The following ZFAT variants were observed in gnomAD, a reference collection of about 807,000 sequenced individuals.
ZFAT encodes the protein zinc finger and AT-hook domain containing, also known as zinc finger protein ZFAT.
A neutral mutation model predicts 117.7 loss-of-function variants in ZFAT; 64 were observed. That is an observed-to-expected ratio of 0.54 (90% confidence interval 0.44 to 0.67). ZFAT has a LOEUF of 0.67. Ranked by LOEUF, ZFAT falls within the 30% of genes least tolerant of loss-of-function variation. The pLI is 0.00. For synonymous variants in ZFAT, 679 were observed against 615.0 expected (o/e 1.10, Z -1.54); for missense variants, 1,433 against 1,584.5 (o/e 0.90, Z 1.62).
At chr8:134,479,746 C>T (rs143976540) in intron 15 of ZFAT, among the ~76,000 whole-genome samples, 15 of 152,088 alleles carry the variant, frequency 9.9e-5, no homozygotes, top group South Asian at 2.1e-4. Flanking sequence ...CTGCACTGAC[C>T]GGGCTTTGAG....
chr8:134,494,590 G>C lies in ZFAT; in HGVS notation c.3492+15029C>G, dbSNP rs761258541. Among the ~76,000 whole-genome samples the C allele has an allele frequency of 1.2e-3, 187 of 152,170 alleles. 2 individuals are homozygous for C. Among genetic ancestry groups the C allele is most frequent in the Non-Finnish European group, 2.9e-4 (20 of 68,032 alleles). ...CTGAAGCCTCCACGGAACCCCACCA[G>C]GGCCTTGCTGGTAACCGAGCAGTGA... On this transcript the variant is annotated intron_variant, in intron 15 of 15. Coordinates refer to ENST00000377838, the MANE Select transcript of ZFAT (RefSeq NM_020863.4).
At chr8:134,573,265 G>A (rs1002166461) in intron 10 of ZFAT, among the ~76,000 whole-genome samples, 21 of 148,314 alleles carry the variant, frequency 1.4e-4, no homozygotes, top group Non-Finnish European at 2.4e-4. Context: ...TGTGTGTGCC[G>A]TGTGTGTGTG....
chr8:134,815,887 C>T, the ZFAT span, among the ~76,000 whole-genome samples: 1 of 152,192 alleles, frequency 6.6e-6, no homozygotes, highest in Non-Finnish European at 1.5e-5. Flanking sequence ...CTTTACACTT[C>T]TTACTACAAT....
the ZFAT span, among the ~76,000 whole-genome samples, chr8:134,790,118 G>A: frequency 1.3e-5 from 2 of 151,926 alleles, no homozygotes; most frequent in Non-Finnish European, 2.9e-5. Flanking sequence ...TTTTAAATGG[G>A]CCTCCGATGG....
intron 7 of ZFAT, among the ~76,000 whole-genome samples, chr8:134,594,515 A>C (rs1437771969): frequency 6.6e-6 from 1 of 152,216 alleles, no homozygotes; most frequent in Non-Finnish European, 1.5e-5. Flanking sequence ...CTCAATGACA[A>C]AGGTTAAGTA....
intron 3 of ZFAT, among the ~76,000 whole-genome samples, chr8:134,628,425 C>T (rs755431389): frequency 1.4e-4 from 21 of 152,040 alleles, no homozygotes; most frequent in Non-Finnish European, 2.5e-4. Flanking sequence ...GTTCTTAAGG[C>T]GCTTAGGCTG....
the ZFAT span, among the ~76,000 whole-genome samples, chr8:134,809,502 T>C: frequency 6.6e-6 from 1 of 152,172 alleles, no homozygotes; most frequent in Non-Finnish European, 1.5e-5. Context: ...GACAAGAGAT[T>C]TTGAGTTTTA....
rs968690376 is a variant in ZFAT, at chr8:134,704,856, T to G, written c.19+7989A>C. Among the ~76,000 whole-genome samples the G allele has an allele frequency of 6.6e-5, 10 of 151,678 alleles. No individual in the cohort carries two copies. The South Asian group carries it at 2.1e-3, about 32-fold the overall frequency. On this transcript the variant is annotated intron_variant, in intron 1 of 15. Coordinates refer to ENST00000377838, the MANE Select transcript of ZFAT (RefSeq NM_020863.4). ...ATACCATACACAAACTTATTAGAGA[T>G]AGACAGTAGACCTAACAAAAGCAAG...
chr8:134,722,110 A>G, the ZFAT span, among the ~76,000 whole-genome samples: 1 of 152,170 alleles, frequency 6.6e-6, no homozygotes, highest in African/African-American at 2.4e-5. Context: ...GGAGGAAGTG[A>G]TGTCTAACAA....
chr8:134,765,796 A>T, the ZFAT span: 10 of 152,206 alleles, frequency 6.6e-5, no homozygotes, highest in East Asian at 1.9e-3. Flanking sequence ...CTGCTTACTG[A>T]TTGAGCTTCA....
upstream of ZFAT, chr8:134,713,177 CT>C (rs1814097175): frequency 3.6e-6 from 1 of 275,902 alleles, no homozygotes; most frequent in African/African-American, 2.2e-5. Context: ...TTTTATCCCA[CT>C]TCACGGATTC....
At chr8:134,739,733 A>G in the ZFAT span, among the ~76,000 whole-genome samples, 1 of 152,250 alleles carries the variant, frequency 6.6e-6, no homozygotes, top group African/African-American at 2.4e-5. Context: ...TGGGCATGGA[A>G]CAGAAAGAAA....
intron 1 of ZFAT, among the ~76,000 whole-genome samples, chr8:134,667,492 C>CAAAAA (rs34820180): frequency 1.6e-5 from 1 of 64,220 alleles, no homozygotes; most frequent in African/African-American, 6.4e-5. Context: ...GACTAAGTCT[C>CAAAAA]AAAAAAAAAA....
chr8:134,712,623 CTT>C (rs71274891), intron 1 of ZFAT, among the ~76,000 whole-genome samples: 15,275 of 138,264 alleles, frequency 0.11, 1,000 homozygotes, highest in Non-Finnish European at 0.16. Flanking sequence ...TCCCGCCTTG[CTT>C]TTTTTTTTTT....
At chr8:134,752,749 G>T in the ZFAT span, among the ~76,000 whole-genome samples, 2 of 152,108 alleles carry the variant, frequency 1.3e-5, no homozygotes, top group Non-Finnish European at 1.5e-5. Context: ...TATGCAGCAC[G>T]CTCACATAGC....
chr8:134,792,915 T>C, the ZFAT span: 1 of 152,252 alleles, frequency 6.6e-6, no homozygotes, highest in Non-Finnish European at 1.5e-5. Context: ...AGTCACTTTA[T>C]TACTTTATTT....
intron 10 of ZFAT, 167 bp from the exon 11 acceptor site, chr8:134,565,588 A>G: frequency 1.4e-6 from 1 of 732,856 alleles, no homozygotes; most frequent in Non-Finnish European, 2.4e-6. Context: ...CAGCATGCTC[A>G]GTCTTCAACA....
At chr8:134,685,759 A>G (rs1489641962) in intron 1 of ZFAT, among the ~76,000 whole-genome samples, 5 of 152,230 alleles carry the variant, frequency 3.3e-5, no homozygotes, top group African/African-American at 1.2e-4. Flanking sequence ...ACGTGCTAAC[A>G]TCACCCTCCA....
At chr8:134,634,715 C>T (rs1319675091) in intron 3 of ZFAT, among the ~76,000 whole-genome samples, 1 of 152,176 alleles carries the variant, frequency 6.6e-6, no homozygotes, top group Non-Finnish European at 1.5e-5. Flanking sequence ...CTTTATGTCA[C>T]TGACAAATGA....
Sources: gnomAD v4.1 joint callset for allele counts (sites outside exome capture counted in the v4.1 genomes callset) on GRCh38, gnomAD v4.1.1 for gene constraint, MANE v1.5 for transcripts, NCBI Gene and HGNC (gene_info 2026-07-23, HGNC 2026-07-21) for gene names.